Variants in ABLIM1 observed in about 807,000 individuals in gnomAD.
The protein encoded by ABLIM1 is actin-binding LIM protein 1.
A neutral mutation model predicts 107.0 loss-of-function variants in ABLIM1; 40 were observed. The observed-to-expected ratio is 0.37, with a 90% confidence interval of 0.29 to 0.49. The LOEUF is 0.49. Among genes scored for constraint, ABLIM1 ranks in the 20% least tolerant of loss-of-function variants. ABLIM1 has a pLI of 0.97. For synonymous variants in ABLIM1, 357 were observed against 357.3 expected, an observed-to-expected ratio of 1.00 and a Z score of 0.01; for missense variants, 857 against 1,008.5, an observed-to-expected ratio of 0.85 and a Z score of 2.04.
chr10:114,479,864 T>C (rs1303507229), intron 8 of ABLIM1, among the ~76,000 whole-genome samples: 2 of 152,252 alleles, frequency 1.3e-5, no homozygotes, highest in African/African-American at 4.8e-5. Flanking sequence ...CAAATTAACA[T>C]CTTGTTTATT....
Position 114,581,588 on chromosome 10 carries a change from G to C in ABLIM1, c.380-5989C>G, listed in dbSNP as rs559086800. Reference sequence around the variant, plus strand: ...AATTTGTACCAGTAAGAGAGAGGGGGATGCTAAGCAAACATGATCAATGTT... The same window carrying C: ...AATTTGTACCAGTAAGAGAGAGGGGCATGCTAAGCAAACATGATCAATGTT... On this transcript the variant is annotated intron_variant, in intron 2 of 22. Coordinates refer to ENST00000533213, the MANE Select transcript of ABLIM1 (RefSeq NM_002313.7). 3.3e-4 allele frequency among the ~76,000 whole-genome samples: 50 copies of C among 152,256 alleles called. 1 individual carries two copies. The highest frequency in any genetic ancestry group is 1.2e-3 in the African/African-American group (50 of 41,560).
chr10:114,649,608 T>C (rs1469180654), intron 1 of ABLIM1, among the ~76,000 whole-genome samples: 2 of 152,038 alleles, frequency 1.3e-5, no homozygotes. Context: ...CTTTCTGAGA[T>C]TGAGAAAGGA....
intron 21 of ABLIM1, 59 bp downstream of exon 21, chr10:114,439,117 C>T (rs2059834982): frequency 1.9e-6 from 3 of 1,586,726 alleles, no homozygotes; most frequent in Non-Finnish European, 2.6e-6. Context: ...GATAGAACAT[C>T]AAATCTGTTT....
intron 1 of ABLIM1, among the ~76,000 whole-genome samples, chr10:114,634,375 G>T (rs1427393663): frequency 6.6e-6 from 1 of 151,204 alleles, no homozygotes; most frequent in Non-Finnish European, 1.5e-5. Flanking sequence ...CTCGTGATCC[G>T]CCCGCCTCGG....
In ABLIM1 at chr10:114,497,406, G is replaced by A. The variant is rs7907774; in HGVS notation, c.895-5528C>T. On this transcript the variant is annotated intron_variant, in intron 6 of 22. Transcript: ENST00000533213. ...ATCACGTCCCCATTTCTGGCCGGGCGCGGTGGCTCATGCCTGTAATCCCAA... is the reference window on the plus strand; with the variant it reads ...ATCACGTCCCCATTTCTGGCCGGGCACGGTGGCTCATGCCTGTAATCCCAA... Among the ~76,000 whole-genome samples the A allele has an allele frequency of 7.6e-3, 1,088 of 143,548 alleles. 20 individuals carry two copies. Among genetic ancestry groups the A allele is most frequent in the African/African-American group, 0.027 (1,030 of 38,640 alleles). 94.2% of individuals were successfully genotyped at this position (143,548 alleles called of 152,430 possible). A position where few individuals can be genotyped will look rare whatever the true frequency, so the allele number is the denominator to read the frequency against.
chr10:114,654,086 C>G (rs1348808844), intron 1 of ABLIM1, among the ~76,000 whole-genome samples: 3 of 152,204 alleles, frequency 2.0e-5, no homozygotes, highest in South Asian at 2.1e-4. Context: ...AGGAGCTGCT[C>G]CTGAACACTC....
the ABLIM1 span, among the ~76,000 whole-genome samples, chr10:114,791,520 C>A: frequency 6.6e-6 from 1 of 151,930 alleles, no homozygotes; most frequent in Non-Finnish European, 1.5e-5. Flanking sequence ...CGCCTGTAGT[C>A]CCAGCTACTC....
At chr10:114,702,488 T>C (rs1488603979) in intron 1 of ABLIM1, among the ~76,000 whole-genome samples, 1 of 151,982 alleles carries the variant, frequency 6.6e-6, no homozygotes, top group Non-Finnish European at 1.5e-5. Context: ...CACTGGTCTA[T>C]CATGATTATA....
chr10:114,467,824 C>T (rs1799085820), intron 11 of ABLIM1, among the ~76,000 whole-genome samples: 1 of 152,148 alleles, frequency 6.6e-6, no homozygotes, highest in South Asian at 2.1e-4. Context: ...GCCATGATGG[C>T]TGTTGGCCAT....
chr10:114,493,661 G>A (rs1218416546), intron 6 of ABLIM1, among the ~76,000 whole-genome samples: 2 of 151,990 alleles, frequency 1.3e-5, no homozygotes, highest in Non-Finnish European at 2.9e-5. Flanking sequence ...TTAAGTAAAT[G>A]TAATGGGAAA....
chr10:114,655,853 G>A (rs1205502530), intron 1 of ABLIM1, among the ~76,000 whole-genome samples: 2 of 152,218 alleles, frequency 1.3e-5, no homozygotes, highest in East Asian at 3.8e-4. Flanking sequence ...ATCAGCAGCT[G>A]TCGAAGTCGG....
At chr10:114,583,707 C>T (rs137889936) in intron 2 of ABLIM1, among the ~76,000 whole-genome samples, 3 of 151,706 alleles carry the variant, frequency 2.0e-5, no homozygotes, top group African/African-American at 4.8e-5. Flanking sequence ...AGTAAAGACA[C>T]GGAATCCATC....
chr10:114,476,593 G>A (rs1054359246), intron 8 of ABLIM1, among the ~76,000 whole-genome samples: 3 of 151,402 alleles, frequency 2.0e-5, no homozygotes, highest in East Asian at 1.9e-4. Flanking sequence ...GCAGTGAACC[G>A]AGATTGTGCC....
At position 114,432,193 on chromosome 10, in the gene ABLIM1, A is replaced by C. The variant is rs562109185; in HGVS notation, c.*4067T>G. Reference sequence around the variant, plus strand: ...ACAAACACTTCATTGGTTAGAAGAGAATAATTGTAAAAATCAAATAAAATT... The same window carrying C: ...ACAAACACTTCATTGGTTAGAAGAGCATAATTGTAAAAATCAAATAAAATT... On this transcript the variant is annotated 3_prime_UTR_variant, in exon 23 of 23. Transcript: ENST00000533213. 1 of 152,350 alleles carries C rather than the reference A, an allele frequency of 6.6e-6. No homozygotes were observed. The highest frequency in any genetic ancestry group is 2.4e-5 in the African/African-American group (1 of 41,586). 9.4% of individuals were successfully genotyped at this position (152,350 alleles called of 1,614,324 possible). A position where few individuals can be genotyped will look rare whatever the true frequency, so the allele number is the denominator to read the frequency against.
intron 4 of ABLIM1, among the ~76,000 whole-genome samples, chr10:114,563,845 C>CAAA (rs11285267): frequency 2.5e-5 from 2 of 79,830 alleles, no homozygotes; most frequent in Admixed American, 1.7e-4. Context: ...GGCTCCGTCT[C>CAAA]AAAAAAAAAA....
chr10:114,675,379 T>C (rs773282544), intron 1 of ABLIM1, among the ~76,000 whole-genome samples: 9 of 152,202 alleles, frequency 5.9e-5, no homozygotes, highest in Non-Finnish European at 1.3e-4. Flanking sequence ...ATTCTTGTGA[T>C]AGTGAATAAG....
At chr10:114,660,992 G>A (rs1309528082), upstream of ABLIM1, among the ~76,000 whole-genome samples, 1 of 151,916 alleles carries the variant, frequency 6.6e-6, no homozygotes, top group Non-Finnish European at 1.5e-5. Context: ...CTCTACCTCA[G>A]TGCTTAGCCA....
the ABLIM1 span, among the ~76,000 whole-genome samples, chr10:114,781,511 G>GA: frequency 4.1e-5 from 6 of 144,698 alleles, no homozygotes; most frequent in Admixed American, 2.1e-4. Flanking sequence ...CTCAAAAAAA[G>GA]AAAAAAAAAG....
the ABLIM1 span, among the ~76,000 whole-genome samples, chr10:114,785,980 T>C: frequency 6.6e-6 from 1 of 152,184 alleles, no homozygotes; most frequent in African/African-American, 2.4e-5. Flanking sequence ...CCACCCGCCT[T>C]AGCCTCCCAA....
Sources: gnomAD v4.1 joint callset for allele counts (sites outside exome capture counted in the v4.1 genomes callset) on GRCh38, gnomAD v4.1.1 for gene constraint, MANE v1.5 for transcripts, NCBI Gene and HGNC (gene_info 2026-07-23, HGNC 2026-07-21) for gene names.